Variants in SH3BGRL2 observed in about 807,000 individuals in gnomAD.
The protein encoded by SH3BGRL2 is SH3 domain-binding glutamic acid-rich-like protein 2.
Under a neutral mutation model 14.8 loss-of-function variants are expected in SH3BGRL2, and 21 were observed. The ratio of observed to expected loss-of-function variants is 1.42; its 90% CI spans 1.01 to 2.05. SH3BGRL2 has a LOEUF of 2.05. Among genes scored for constraint, SH3BGRL2 ranks in the 30% most tolerant of loss-of-function variants. The pLI, the probability that SH3BGRL2 is intolerant of heterozygous loss-of-function variation, is 0.00. For synonymous variants in SH3BGRL2, 50 were observed against 47.8 expected (o/e 1.05, Z -0.19); for missense variants, 147 against 130.8 (o/e 1.12, Z -0.61).
At chr6:79,600,510 G>A in the SH3BGRL2 span, among the ~76,000 whole-genome samples, 2 of 152,174 alleles carry the variant, frequency 1.3e-5, no homozygotes, top group Non-Finnish European at 2.9e-5. Context: ...TTGCTCTGCG[G>A]AGAGGAAAAG....
chr6:79,645,815 T>C (rs926989030), intron 1 of SH3BGRL2, among the ~76,000 whole-genome samples: 6 of 152,222 alleles, frequency 3.9e-5, no homozygotes, highest in African/African-American at 1.4e-4. Context: ...TTTGATTCTT[T>C]GGAGAGGTTG....
intron 1 of SH3BGRL2, among the ~76,000 whole-genome samples, chr6:79,654,108 G>A (rs913914358): frequency 6.6e-6 from 1 of 152,100 alleles, no homozygotes; most frequent in Non-Finnish European, 1.5e-5. Flanking sequence ...TATGAAAAAA[G>A]AAATAATTTT....
At position 79,673,657 on chromosome 6, in the gene SH3BGRL2, A is replaced by G. The variant is rs748793340; in HGVS notation, c.89A>G (p.Asn30Ser). 3.6e-5 allele frequency: 58 copies of G among 1,614,074 alleles called. No individual in the cohort carries two copies. The highest frequency in any genetic ancestry group is 4.8e-5 in the Non-Finnish European group (57 of 1,180,024). Residue 30 changes from asparagine to serine, a missense_variant, in exon 2 of 4, where the codon AAC becomes AGC. Transcript: ENST00000369838. ...GATGTGGTTAGATTTCTGGAAGCCA[A>G]CAAGATAGAGTTTGAGGAGGTGGAT... Reference protein sequence around the residue: ...QQDVVRFLEANKIEFEEVDIT... With the variant: ...QQDVVRFLEASKIEFEEVDIT...
chr6:79,697,390 G>A (rs936457096), intron 3 of SH3BGRL2, among the ~76,000 whole-genome samples: 3 of 152,026 alleles, frequency 2.0e-5, no homozygotes, highest in African/African-American at 7.2e-5. Context: ...TTCAAATTGA[G>A]ACTGAATTCT....
At chr6:79,562,248 A>G in the SH3BGRL2 span, among the ~76,000 whole-genome samples, 1 of 152,196 alleles carries the variant, frequency 6.6e-6, no homozygotes, top group Non-Finnish European at 1.5e-5. Context: ...GTATACACAT[A>G]TATAATTTTA....
the SH3BGRL2 span, among the ~76,000 whole-genome samples, chr6:79,562,585 C>T: frequency 5.1e-4 from 78 of 152,256 alleles, 1 homozygote; most frequent in African/African-American, 1.8e-3. Flanking sequence ...GTTTCATCCT[C>T]CTTTTCCAAT....
rs1582714947 is a variant in SH3BGRL2, at chr6:79,642,914, A to T, written c.45+11408A>T. On this transcript the variant is annotated intron_variant, in intron 1 of 3. Coordinates refer to ENST00000369838, the MANE Select transcript of SH3BGRL2 (RefSeq NM_031469.4). ...GAATTTTGAATACCTGTGAAACATA[A>T]GTTGGGCTGGCAGATGGGCAGGTAG... 2.0e-5 allele frequency among the ~76,000 whole-genome samples: 3 copies of T among 152,132 alleles called. No individual in the cohort carries two copies. In the East Asian group the frequency reaches 5.8e-4, roughly 29 times the overall value.
chr6:79,567,230 A>G, the SH3BGRL2 span, among the ~76,000 whole-genome samples: 1 of 152,192 alleles, frequency 6.6e-6, no homozygotes, highest in Admixed American at 6.5e-5. Context: ...AATTATAATG[A>G]ATGAAACTAA....
chr6:79,574,834 A>T, the SH3BGRL2 span: 1 of 152,214 alleles, frequency 6.6e-6, no homozygotes, highest in Non-Finnish European at 1.5e-5. Context: ...CCCAGCTGGG[A>T]TGACTCAGAT....
chr6:79,537,651 C>G, the SH3BGRL2 span, among the ~76,000 whole-genome samples: 29 of 152,254 alleles, frequency 1.9e-4, no homozygotes, highest in Admixed American at 5.2e-4. Context: ...ACGGGCTGTG[C>G]GGTGCCAGGG....
chr6:79,578,147 C>T, the SH3BGRL2 span, among the ~76,000 whole-genome samples: 1 of 152,254 alleles, frequency 6.6e-6, no homozygotes, highest in African/African-American at 2.4e-5. Flanking sequence ...CCCACCACAG[C>T]TCAACAAGGC....
At chr6:79,579,759 A>G in the SH3BGRL2 span, among the ~76,000 whole-genome samples, 2,757 of 152,316 alleles carry the variant, frequency 0.018, 79 homozygotes, top group African/African-American at 0.063. Context: ...CAAAATAACC[A>G]GCGAACATCA....
chr6:79,672,502 A>G (rs536569329), intron 1 of SH3BGRL2, among the ~76,000 whole-genome samples: 1 of 152,266 alleles, frequency 6.6e-6, no homozygotes, highest in South Asian at 2.1e-4. Flanking sequence ...AGAGCTTTTC[A>G]TAACAATGTT....
the SH3BGRL2 span, among the ~76,000 whole-genome samples, chr6:79,555,734 T>C: frequency 6.6e-6 from 1 of 152,098 alleles, no homozygotes; most frequent in Non-Finnish European, 1.5e-5. Flanking sequence ...GGTCTCGATC[T>C]CCTGACCTCA....
chr6:79,538,359 C>T, the SH3BGRL2 span, among the ~76,000 whole-genome samples: 1 of 152,110 alleles, frequency 6.6e-6, no homozygotes, highest in African/African-American at 2.4e-5. Flanking sequence ...TCTCGCTCAA[C>T]CTCGTTTTTC....
At chr6:79,692,488 A>G (rs1319045641) in intron 2 of SH3BGRL2, among the ~76,000 whole-genome samples, 2 of 152,194 alleles carry the variant, frequency 1.3e-5, no homozygotes, top group Non-Finnish European at 2.9e-5. Context: ...TTATGGTTCT[A>G]GGTCTAACAT....
chr6:79,599,370 A>T, the SH3BGRL2 span, among the ~76,000 whole-genome samples: 1 of 112,158 alleles, frequency 8.9e-6, no homozygotes, highest in Non-Finnish European at 1.8e-5. Context: ...TTTATAACAG[A>T]TCTTTTTTTT....
At chr6:79,682,763 T>A (rs1043597245) in intron 2 of SH3BGRL2, among the ~76,000 whole-genome samples, 1 of 152,232 alleles carries the variant, frequency 6.6e-6, no homozygotes, top group Non-Finnish European at 1.5e-5. Flanking sequence ...ACACATATGT[T>A]TATTGTGGCA....
the SH3BGRL2 span, among the ~76,000 whole-genome samples, chr6:79,555,980 A>G: frequency 6.6e-6 from 1 of 152,206 alleles, no homozygotes; most frequent in Non-Finnish European, 1.5e-5. Flanking sequence ...TATTCACTAA[A>G]TGATTCTGGG....
Sources: allele counts gnomAD v4.1 joint callset (sites outside exome capture counted in the v4.1 genomes callset), GRCh38; gene constraint gnomAD v4.1.1; transcripts MANE v1.5; gene names NCBI Gene and HGNC (gene_info 2026-07-23, HGNC 2026-07-21).